SESN2: variants seen among roughly 807,000 people sequenced by gnomAD.
SESN2 encodes the protein sestrin 2.
In SESN2, 42 loss-of-function variants were observed where a neutral mutation model predicts 56.0. The ratio of observed to expected loss-of-function variants is 0.75; its 90% CI spans 0.59 to 0.97. The LOEUF (loss-of-function observed/expected upper bound fraction) is 0.97. Among genes scored for constraint, SESN2 ranks in the 50% least tolerant of loss-of-function variants. The pLI is 0.00. For synonymous variants in SESN2, 264 were observed against 267.1 expected (o/e 0.99, Z 0.11); for missense variants, 507 against 649.4 (o/e 0.78, Z 2.38).
Position 28,259,909 on chromosome 1 carries a change from G to GC in SESN2, c.63dup (p.Gly22ArgfsTer38). The GC allele has an allele frequency of 6.8e-7, 1 of 1,474,512 alleles. No homozygotes were observed. The highest frequency in any genetic ancestry group is 1.3e-5 in the South Asian group (1 of 77,638). 91.3% of individuals were successfully genotyped at this position (1,474,512 alleles called of 1,614,324 possible). On this transcript the variant is annotated frameshift_variant, in exon 1 of 10. Transcript: ENST00000253063. LOFTEE classifies it high-confidence loss of function. ...AAGGACTACCTGCGGTTCGCCCCGGGCGGCGTCGGCGACTCGGGCCCCGGA... is the reference window on the plus strand; with the variant it reads ...AAGGACTACCTGCGGTTCGCCCCGGGCCGGCGTCGGCGACTCGGGCCCCGGA...
rs1260311168 is a variant in SESN2 at position 28,259,693 on chromosome 1, C to A, written c.-155C>A. The stretch of plus-strand genomic sequence containing the variant: ...AGAGTCCAGCACCAAAGCGGCCGTT[C>A]TCGGATTCCGGAGCGTTCTGGAGCC... On this transcript the variant is annotated 5_prime_UTR_variant, in exon 1 of 10. Transcript: ENST00000253063. 9.3e-6 allele frequency: 5 copies of A among 538,956 alleles called. No homozygotes were observed. Among genetic ancestry groups the A allele is most frequent in the Non-Finnish European group, 1.6e-5 (5 of 321,786 alleles). The allele number at this position is 538,956 out of a possible 1,614,324, so 33.4% of individuals were successfully genotyped here.
intron 1 of SESN2, among the ~76,000 whole-genome samples, chr1:28,262,094 T>C (rs1647392963): frequency 1.3e-5 from 2 of 152,128 alleles, no homozygotes; most frequent in South Asian, 4.1e-4. Flanking sequence ...CTGGGAGATT[T>C]CTGTGTATTC....
At chr1:28,279,898 G>A in intron 9 of SESN2, among the ~76,000 whole-genome samples, 1 of 151,878 alleles carries the variant, frequency 6.6e-6, no homozygotes, top group African/African-American at 2.4e-5. Context: ...CTGTTGCCCA[G>A]GCTGGAGCGC....
At chr1:28,277,463 G>A (rs1263884978) in intron 8 of SESN2, among the ~76,000 whole-genome samples, 4 of 152,080 alleles carry the variant, frequency 2.6e-5, no homozygotes, top group African/African-American at 7.2e-5. Context: ...CTATCCGCTC[G>A]CCTCAGCCTC....
chr1:28,264,338 A>G (rs1363710093), intron 1 of SESN2, among the ~76,000 whole-genome samples: 1 of 152,108 alleles, frequency 6.6e-6, no homozygotes, highest in Non-Finnish European at 1.5e-5. Flanking sequence ...AAGAAAAAAA[A>G]AGAAAAAATT....
At chr1:28,268,067 C>T (rs1254704012) in intron 1 of SESN2, among the ~76,000 whole-genome samples, 1 of 152,082 alleles carries the variant, frequency 6.6e-6, no homozygotes, top group East Asian at 1.9e-4. Flanking sequence ...TATCTGGAAG[C>T]CCATGGGAGG....
At chr1:28,262,493 T>C (rs1439209076) in intron 1 of SESN2, among the ~76,000 whole-genome samples, 1 of 150,726 alleles carries the variant, frequency 6.6e-6, no homozygotes, top group Non-Finnish European at 1.5e-5. Flanking sequence ...TAGCCAGGCG[T>C]GGTGGTGTGC....
At chr1:28,260,069 G>T in intron 1 of SESN2, 132 bp downstream of exon 1, 3 of 628,676 alleles carry the variant, frequency 4.8e-6, no homozygotes, top group Non-Finnish European at 7.5e-6. Context: ...CGGGACCCGG[G>T]TTGCATCAAC....
At chr1:28,280,485 C>G (rs1309928258) in intron 9 of SESN2, among the ~76,000 whole-genome samples, 1 of 152,210 alleles carries the variant, frequency 6.6e-6, no homozygotes, top group Non-Finnish European at 1.5e-5. Context: ...GGATTACAGG[C>G]GTGAGCCACC....
At position 28,271,662 on chromosome 1, in the gene SESN2, T is replaced by G. The variant is rs2149038510; in HGVS notation, c.157-12T>G. On this transcript the variant is annotated splice_polypyrimidine_tract_variant and intron_variant, in intron 2 of 9. Transcript: ENST00000253063. ...GAGGGAAACCCATGCTCTCCTCCCCTTTGGTTGGCAGGTCCTTCGGGAGGG... is the reference window on the plus strand; with the variant it reads ...GAGGGAAACCCATGCTCTCCTCCCCGTTGGTTGGCAGGTCCTTCGGGAGGG... 6.2e-7 allele frequency: 1 copy of G among 1,612,236 alleles called. No homozygotes were observed. The highest frequency in any genetic ancestry group is 2.2e-5 in the East Asian group (1 of 44,888).
rs138037302 is a variant in SESN2 at position 28,267,172 on chromosome 1, G to C, written c.91-2011G>C. ...GCTGTTGGGCTTTTTCTTTGGTGAG[G>C]GGGAGGGAAGCTCCAAAGGGGAGTG... On this transcript the variant is annotated intron_variant, in intron 1 of 9. Transcript: ENST00000253063. Among the ~76,000 whole-genome samples the C allele has an allele frequency of 8.1e-4, 123 of 152,284 alleles. No homozygotes were observed. In the East Asian group the frequency reaches 0.015, roughly 18 times the overall value.
chr1:28,266,379 A>G lies in SESN2; in HGVS notation c.91-2804A>G, dbSNP rs562212551. Among the ~76,000 whole-genome samples, 8 of 152,250 alleles carry G rather than the reference A, an allele frequency of 5.3e-5. No individual in the cohort carries two copies. In the East Asian group the frequency reaches 1.5e-3, roughly 29 times the overall value. On this transcript the variant is annotated intron_variant, in intron 1 of 9. Transcript: ENST00000253063. ...GACTTTTTATTAAGTGCTTATTGTTATGGAGGTATTGAGGTAAGCTACACA... is the reference window on the plus strand; with the variant it reads ...GACTTTTTATTAAGTGCTTATTGTTGTGGAGGTATTGAGGTAAGCTACACA...
chr1:28,272,144 G>A, intron 3 of SESN2, 140 bp from the exon 4 acceptor site: 1 of 905,296 alleles, frequency 1.1e-6, no homozygotes, highest in Non-Finnish European at 1.7e-6. Context: ...GCTGGTGGCA[G>A]AGCTGGGGTT....
Position 28,271,782 on chromosome 1 carries a change from T to C in SESN2, c.265T>C (p.Tyr89His), listed in dbSNP as rs753978005. Residue 89 changes from tyrosine to histidine, a missense_variant, in exon 3 of 10, where the codon TAC (tyrosine) becomes CAC (histidine). Coordinates refer to ENST00000253063, the MANE Select transcript of SESN2 (RefSeq NM_031459.5). ...LAVVMGLHPDYFTSFWRLHYL... is the reference protein window; with the variant it reads ...LAVVMGLHPDHFTSFWRLHYL... ...AGTGGTGATGGGCCTGCACCCTGAC[T>C]ACTTTACCAGCTTCTGGCGCCTGCA... 6.2e-7 allele frequency: 1 copy of C among 1,614,208 alleles called. No individual in the cohort carries two copies. Among genetic ancestry groups the C allele is most frequent in the Admixed American group, 1.7e-5 (1 of 60,024 alleles).
At chr1:28,267,175 G>A (rs1217162091) in intron 1 of SESN2, among the ~76,000 whole-genome samples, 1 of 152,180 alleles carries the variant, frequency 6.6e-6, no homozygotes, top group Non-Finnish European at 1.5e-5. Flanking sequence ...TGGTGAGGGG[G>A]AGGGAAGCTC....
At chr1:28,274,486 G>A (rs375003591) in intron 7 of SESN2, among the ~76,000 whole-genome samples, 10 of 152,108 alleles carry the variant, frequency 6.6e-5, no homozygotes, top group South Asian at 2.1e-4. Flanking sequence ...AGCTGTGATC[G>A]CGCTACTGCG....
chr1:28,276,697 A>G (rs530392904), intron 8 of SESN2, among the ~76,000 whole-genome samples: 9 of 137,450 alleles, frequency 6.5e-5, no homozygotes, highest in African/African-American at 2.5e-4. Flanking sequence ...CTCCCGCCTC[A>G]GCCGTCCGAA....
rs115801048 is a variant in SESN2, at chr1:28,276,020, G to C, written c.1211+1005G>C. Among the ~76,000 whole-genome samples the C allele has an allele frequency of 3.7e-3, 563 of 152,034 alleles. 4 individuals carry two copies. The highest frequency in any genetic ancestry group is 0.013 in the African/African-American group (521 of 41,464). ...AAATTAGCCAGGCATGGTGGCTGAC[G>C]CCTGTAGTTCCAGCTACTTAGGAAG... On this transcript the variant is annotated intron_variant, in intron 8 of 9. Coordinates refer to ENST00000253063, the MANE Select transcript of SESN2 (RefSeq NM_031459.5).
chr1:28,263,293 G>A (rs1009623495), intron 1 of SESN2, among the ~76,000 whole-genome samples: 6 of 152,250 alleles, frequency 3.9e-5, no homozygotes, highest in Middle Eastern at 3.4e-3. Flanking sequence ...TGGGTGGTTG[G>A]GAGGAATTGG....
Sources: allele counts gnomAD v4.1 joint callset (sites outside exome capture counted in the v4.1 genomes callset), GRCh38; gene constraint gnomAD v4.1.1; transcripts MANE v1.5; gene names NCBI Gene and HGNC (gene_info 2026-07-23, HGNC 2026-07-21).